TBC1D32: variants seen among roughly 807,000 people sequenced by gnomAD.
TBC1D32 encodes TBC1 domain family member 32.
TBC1D32 carries 151 observed loss-of-function variants against 170.3 expected under a neutral mutation model. That is an observed-to-expected ratio of 0.89 (90% CI 0.78 to 1.01). The LOEUF (loss-of-function observed/expected upper bound fraction) is 1.01. TBC1D32 is among the 50% of genes least tolerant of loss of function. The probability of loss-of-function intolerance (pLI) is 0.00; values close to 1 mark genes in which losing one functional copy is unlikely to be tolerated. For synonymous variants in TBC1D32, 498 were observed against 488.0 expected, an observed-to-expected ratio of 1.02 and a Z score of -0.27; for missense variants, 1,464 against 1,457.1, an observed-to-expected ratio of 1.00 and a Z score of -0.08.
chr6:121,184,510 T>C (rs1788924078), intron 22 of TBC1D32, among the ~76,000 whole-genome samples: 1 of 151,626 alleles, frequency 6.6e-6, no homozygotes. Flanking sequence ...TTCTCTAATA[T>C]TTGGGTGTAC....
chr6:121,215,658 C>CA (rs35230917), intron 21 of TBC1D32, among the ~76,000 whole-genome samples: 124,323 of 149,748 alleles, frequency 0.83, 52,271 homozygotes, highest in South Asian at 0.92. Context: ...AAGAAATTTG[C>CA]AAAAAAAAAA....
intron 8 of TBC1D32, 60 bp downstream of exon 8, chr6:121,304,305 C>T (rs1412220720): frequency 1.1e-5 from 16 of 1,473,354 alleles, no homozygotes; most frequent in South Asian, 4.8e-5. Context: ...CTGTCTGAAA[C>T]GTATATGGGG....
chr6:121,108,054 C>T (rs1439882800), intron 29 of TBC1D32, among the ~76,000 whole-genome samples: 1 of 152,040 alleles, frequency 6.6e-6, no homozygotes, highest in Non-Finnish European at 1.5e-5. Flanking sequence ...ATATTATTGA[C>T]TGAATGCCAA....
intron 29 of TBC1D32, among the ~76,000 whole-genome samples, chr6:121,106,514 T>C (rs1778701572): frequency 6.6e-6 from 1 of 152,072 alleles, no homozygotes; most frequent in South Asian, 2.1e-4. Context: ...AGTAATACTT[T>C]ACATTTTAAT....
intron 24 of TBC1D32, among the ~76,000 whole-genome samples, chr6:121,148,938 T>C (rs1783835376): frequency 6.6e-6 from 1 of 152,208 alleles, no homozygotes; most frequent in Non-Finnish European, 1.5e-5. Context: ...GACTTTTTAA[T>C]GATCACCATT....
At chr6:121,099,848 T>C (rs929461127) in intron 30 of TBC1D32, among the ~76,000 whole-genome samples, 3 of 151,944 alleles carry the variant, frequency 2.0e-5, no homozygotes, top group African/African-American at 7.2e-5. Flanking sequence ...ATAAATCTGC[T>C]ATTTGTATGT....
At chr6:121,123,517 C>T (rs770085138) in intron 26 of TBC1D32, among the ~76,000 whole-genome samples, 94 of 152,114 alleles carry the variant, frequency 6.2e-4, no homozygotes, top group Non-Finnish European at 1.0e-3. Context: ...ATAGTCTTTG[C>T]CTTAAAGTCT....
chr6:121,200,143 G>T (rs1791348020), intron 22 of TBC1D32, among the ~76,000 whole-genome samples: 2 of 151,278 alleles, frequency 1.3e-5, no homozygotes, highest in Admixed American at 1.3e-4. Flanking sequence ...CCACATTATA[G>T]TTTCAAATGA....
intron 1 of TBC1D32, among the ~76,000 whole-genome samples, chr6:121,325,885 G>A (rs538204802): frequency 1.3e-4 from 20 of 152,042 alleles, no homozygotes; most frequent in African/African-American, 4.8e-4. Context: ...TCTGACTAAG[G>A]GCTAATATCC....
intron 24 of TBC1D32, among the ~76,000 whole-genome samples, chr6:121,149,773 C>T (rs531535741): frequency 6.6e-6 from 1 of 152,164 alleles, no homozygotes; most frequent in South Asian, 2.1e-4. Context: ...ATTTAAAGTA[C>T]ATTTTTTTAG....
intron 31 of TBC1D32, among the ~76,000 whole-genome samples, chr6:121,088,720 T>A (rs1776503677): frequency 6.6e-6 from 1 of 152,152 alleles, no homozygotes; most frequent in Non-Finnish European, 1.5e-5. Flanking sequence ...CTCAGATAAA[T>A]GAAAACAACA....
At chr6:121,220,292 G>C (rs1215880445) in intron 21 of TBC1D32, among the ~76,000 whole-genome samples, 1 of 152,106 alleles carries the variant, frequency 6.6e-6, no homozygotes, top group African/African-American at 2.4e-5. Context: ...GTTACTCCAG[G>C]AAACACATGA....
At chr6:121,301,791 T>A (rs1440807547) in intron 9 of TBC1D32, among the ~76,000 whole-genome samples, 2 of 152,092 alleles carry the variant, frequency 1.3e-5, no homozygotes, top group Non-Finnish European at 2.9e-5. Flanking sequence ...TTTCTTTTTT[T>A]TCCTTTTTTT....
intron 22 of TBC1D32, among the ~76,000 whole-genome samples, chr6:121,197,893 C>A (rs1313764136): frequency 4.6e-5 from 7 of 151,964 alleles, no homozygotes; most frequent in Admixed American, 2.6e-4. Flanking sequence ...GGAAGGCAGA[C>A]CCACCCTTAA....
chr6:121,256,614 T>C (rs1799054061), intron 15 of TBC1D32, among the ~76,000 whole-genome samples: 1 of 152,150 alleles, frequency 6.6e-6, no homozygotes, highest in Non-Finnish European at 1.5e-5. Flanking sequence ...CTAGCACTTA[T>C]TGACACATTC....
At chr6:121,210,933 A>C (rs957314560) in intron 21 of TBC1D32, among the ~76,000 whole-genome samples, 5 of 152,198 alleles carry the variant, frequency 3.3e-5, no homozygotes, top group African/African-American at 7.2e-5. Context: ...CTGTGAGTTA[A>C]TAAACGGGTG....
intron 30 of TBC1D32, among the ~76,000 whole-genome samples, chr6:121,099,586 T>C (rs1297614535): frequency 6.6e-6 from 1 of 151,978 alleles, no homozygotes. Flanking sequence ...TGCTTCTAAT[T>C]AGATCAAAAT....
intron 20 of TBC1D32, among the ~76,000 whole-genome samples, chr6:121,234,795 T>C (rs1033747096): frequency 6.6e-6 from 1 of 152,114 alleles, no homozygotes; most frequent in Non-Finnish European, 1.5e-5. Flanking sequence ...AAACTTATTT[T>C]GTCATATTAC....
chr6:121,306,276 C>A (rs1297272330), intron 5 of TBC1D32, among the ~76,000 whole-genome samples: 1 of 152,144 alleles, frequency 6.6e-6, no homozygotes, highest in Non-Finnish European at 1.5e-5. Flanking sequence ...CTTCTGTTTA[C>A]CAGTATAATC....
Sources: allele counts gnomAD v4.1 joint callset (sites outside exome capture counted in the v4.1 genomes callset), GRCh38; gene constraint gnomAD v4.1.1; transcripts MANE v1.5; gene names NCBI Gene and HGNC (gene_info 2026-07-23, HGNC 2026-07-21).